Variants in RSBN1L observed in about 807,000 individuals in gnomAD.
RSBN1L encodes the protein lysine-specific demethylase RSBN1L.
RSBN1L carries 30 observed loss-of-function variants against 67.7 expected under a neutral mutation model. That is an observed-to-expected ratio of 0.44 (90% CI 0.33 to 0.60). RSBN1L has a LOEUF of 0.60. RSBN1L is among the 20% of genes least tolerant of loss of function. The pLI, the probability that RSBN1L is intolerant of heterozygous loss-of-function variation, is 0.02. For synonymous variants in RSBN1L, 433 were observed against 387.0 expected, an observed-to-expected ratio of 1.12 and a Z score of -1.39; for missense variants, 992 against 1,031.7, an observed-to-expected ratio of 0.96 and a Z score of 0.53.
chr7:77,773,117 T>C (rs1417268840), intron 5 of RSBN1L, 30 bp from the exon 6 acceptor site: 2 of 1,329,660 alleles, frequency 1.5e-6, no homozygotes, highest in African/African-American at 1.5e-5. Context: ...TGTCACTATA[T>C]AAATGTAATT....
At position 77,744,412 on chromosome 7, in the gene RSBN1L, C is replaced by T. The variant is rs547326906; in HGVS notation, c.704-5012C>T. On this transcript the variant is annotated intron_variant, in intron 2 of 7. Transcript: ENST00000334955. ...ACCTAAATATGATATTTTGATAGTT[C>T]ATACCTAGGTGGCAAGTCTGAATTT... Among the ~76,000 whole-genome samples the T allele has an allele frequency of 7.2e-5, 11 of 151,994 alleles. No individual in the cohort carries two copies. In the East Asian group the frequency reaches 2.1e-3, roughly 30 times the overall value.
At chr7:77,748,351 A>G (rs1268286997) in intron 2 of RSBN1L, among the ~76,000 whole-genome samples, 1 of 152,204 alleles carries the variant, frequency 6.6e-6, no homozygotes, top group Non-Finnish European at 1.5e-5. Flanking sequence ...AAATGACTTG[A>G]GTAAATATGA....
At chr7:77,763,554 A>T (rs1021653908) in intron 3 of RSBN1L, among the ~76,000 whole-genome samples, 3 of 152,348 alleles carry the variant, frequency 2.0e-5, no homozygotes, top group African/African-American at 7.2e-5. Context: ...CTATTAATGC[A>T]TCTAGAGCCT....
intron 2 of RSBN1L, 104 bp downstream of exon 2, chr7:77,736,630 G>A (rs1056335296): frequency 1.6e-5 from 9 of 560,240 alleles, no homozygotes; most frequent in East Asian, 8.8e-5. Context: ...TGAATTTTGC[G>A]GAGAATGAAC....
At chr7:77,777,146 T>G (rs902910243) in intron 6 of RSBN1L, among the ~76,000 whole-genome samples, 1 of 152,012 alleles carries the variant, frequency 6.6e-6, no homozygotes, top group Non-Finnish European at 1.5e-5. Flanking sequence ...AACCTTTCAA[T>G]AGTATACTTC....
intron 2 of RSBN1L, among the ~76,000 whole-genome samples, chr7:77,747,068 A>G (rs1054023511): frequency 6.6e-6 from 1 of 152,050 alleles, no homozygotes; most frequent in Non-Finnish European, 1.5e-5. Flanking sequence ...TGGGGTCTGG[A>G]GGACAGTGGC....
At chr7:77,765,449 G>GT (rs765165434) in intron 3 of RSBN1L, 46 bp from the exon 4 acceptor site, 3 of 1,413,200 alleles carry the variant, frequency 2.1e-6, no homozygotes, top group Non-Finnish European at 2.9e-6. Flanking sequence ...TATTCTTCAG[G>GT]TAAAAAGAAC....
At chr7:77,719,077 CAT>C (rs1791082927) in intron 1 of RSBN1L, among the ~76,000 whole-genome samples, 1 of 152,150 alleles carries the variant, frequency 6.6e-6, no homozygotes, top group Non-Finnish European at 1.5e-5. Flanking sequence ...CACCCAGCGA[CAT>C]AGGTGGAAAC....
intron 1 of RSBN1L, among the ~76,000 whole-genome samples, chr7:77,715,550 TC>T: frequency 6.6e-6 from 1 of 152,198 alleles, no homozygotes; most frequent in East Asian, 1.9e-4. Flanking sequence ...CTCAAGTGAT[TC>T]GCCTGCCGTA....
intron 1 of RSBN1L, among the ~76,000 whole-genome samples, chr7:77,702,799 G>C (rs990816685): frequency 6.6e-6 from 1 of 152,098 alleles, no homozygotes; most frequent in African/African-American, 2.4e-5. Flanking sequence ...CTGGTCTGTA[G>C]GTGACTGCCT....
At chr7:77,775,888 T>C (rs1200041551) in intron 6 of RSBN1L, among the ~76,000 whole-genome samples, 1 of 152,116 alleles carries the variant, frequency 6.6e-6, no homozygotes, top group East Asian at 1.9e-4. Context: ...AAACCCCATA[T>C]GTACTAAAAA....
chr7:77,700,936 C>T (rs1414337151), intron 1 of RSBN1L, among the ~76,000 whole-genome samples: 2 of 152,058 alleles, frequency 1.3e-5, no homozygotes, highest in African/African-American at 2.4e-5. Flanking sequence ...GCTGGCGAAT[C>T]GCCTGAGCTC....
Position 77,696,517 on chromosome 7 carries a change from C to T in RSBN1L, c.48C>T (p.Pro16=), listed in dbSNP as rs1790726579. The T allele has an allele frequency of 2.5e-6, 4 of 1,613,788 alleles. No homozygotes were observed. The highest frequency in any genetic ancestry group is 2.2e-5 in the East Asian group (1 of 44,866). ...TGCACTGTGTCGCTGCCGCGGCCCC[C>T]ACCGCCACCGTCTCGGAGAAAGAAC... ...SPVHCVAAAA[P]TATVSEKEPF... is the part of the protein sequence containing the mutation. The change falls in exon 1 of 8, where the codon CCC becomes CCT. Residue 16 remains proline, a synonymous_variant. Transcript: ENST00000334955.
At chr7:77,738,112 A>G (rs1791360788) in intron 2 of RSBN1L, among the ~76,000 whole-genome samples, 3 of 152,060 alleles carry the variant, frequency 2.0e-5, no homozygotes, top group Admixed American at 1.3e-4. Context: ...ATTTAATCAA[A>G]TAGTTTTCTT....
chr7:77,749,542 A>G lies in RSBN1L; in HGVS notation c.822A>G (p.Lys274=), dbSNP rs766867715. The part of the protein sequence containing the change: ...EKRKRPKMYS[K]SIQTICSGLL... The stretch of plus-strand genomic sequence containing the variant: ...GGAAGCGTCCGAAAATGTATAGCAA[A>G]TCTATTCAGACCATCTGCTCAGGAT... Residue 274 remains lysine (K), a synonymous_variant, in exon 3 of 8, where the codon AAA becomes AAG. Coordinates refer to ENST00000334955, the MANE Select transcript of RSBN1L (RefSeq NM_198467.3). 6 of 1,613,192 alleles carry G rather than the reference A, an allele frequency of 3.7e-6. No homozygotes were observed. Among genetic ancestry groups the G allele is most frequent in the Non-Finnish European group, 5.1e-6 (6 of 1,179,852 alleles).
At chr7:77,741,563 G>A (rs1791410019) in intron 2 of RSBN1L, among the ~76,000 whole-genome samples, 1 of 151,654 alleles carries the variant, frequency 6.6e-6, no homozygotes, top group Non-Finnish European at 1.5e-5. Context: ...GTGGTGGCAG[G>A]CACCTGTAGT....
chr7:77,743,480 A>G lies in RSBN1L; in HGVS notation c.704-5944A>G, dbSNP rs556234519. Among the ~76,000 whole-genome samples the G allele has an allele frequency of 5.8e-4, 84 of 145,698 alleles. No individual in the cohort carries two copies. The South Asian group carries it at 0.017, about 29-fold the overall frequency. ...GTTGGTTTTGTTTTTTTTTTTTTCT[A>G]AAGGAATCTCTTAACTGATTTCTTA... On this transcript the variant is annotated intron_variant, in intron 2 of 7. Coordinates refer to ENST00000334955, the MANE Select transcript of RSBN1L (RefSeq NM_198467.3).
intron 1 of RSBN1L, among the ~76,000 whole-genome samples, chr7:77,713,254 A>G (rs115204131): frequency 0.02 from 3,022 of 152,042 alleles, 87 homozygotes; most frequent in African/African-American, 0.068. Context: ...GTTCATAAAC[A>G]TTATTTAAGG....
chr7:77,735,100 A>G (rs923972561), intron 1 of RSBN1L, among the ~76,000 whole-genome samples: 1 of 151,908 alleles, frequency 6.6e-6, no homozygotes, highest in African/African-American at 2.4e-5. Flanking sequence ...AGGTGAAAGT[A>G]ATGTCTTTTA....
Sources: allele counts gnomAD v4.1 joint callset (sites outside exome capture counted in the v4.1 genomes callset), GRCh38; gene constraint gnomAD v4.1.1; transcripts MANE v1.5; gene names NCBI Gene and HGNC (gene_info 2026-07-23, HGNC 2026-07-21).